Variants in CBL observed in about 807,000 individuals in gnomAD.
CBL encodes the protein E3 ubiquitin-protein ligase CBL.
Under a neutral mutation model 96.9 loss-of-function variants are expected in CBL, and 45 were observed. The ratio of observed to expected loss-of-function variants is 0.46; its 90% confidence interval spans 0.37 to 0.60. The LOEUF (loss-of-function observed/expected upper bound fraction) is 0.60, where lower values mean the gene tolerates loss of function less well. Among genes scored for constraint, CBL ranks in the 20% least tolerant of loss-of-function variants. The pLI, the probability that CBL is intolerant of heterozygous loss-of-function variation, is 0.00. For synonymous variants in CBL, 420 were observed against 426.8 expected (o/e 0.98, Z 0.20); for missense variants, 1,024 against 1,143.5 (o/e 0.90, Z 1.51).
At chr11:119,212,646 A>G (rs1274075756) in intron 1 of CBL, among the ~76,000 whole-genome samples, 1 of 152,102 alleles carries the variant, frequency 6.6e-6, no homozygotes, top group Non-Finnish European at 1.5e-5. Flanking sequence ...AAATGAATGA[A>G]TGAATAAATA....
At chr11:119,272,294 T>TG (rs1949855354) in intron 3 of CBL, among the ~76,000 whole-genome samples, 2 of 152,182 alleles carry the variant, frequency 1.3e-5, no homozygotes, top group Admixed American at 1.3e-4. Context: ...GCTAATTTTT[T>TG]GCATTTTTAA....
intron 12 of CBL, among the ~76,000 whole-genome samples, chr11:119,295,689 T>C (rs549840824): frequency 1.3e-5 from 2 of 152,288 alleles, no homozygotes; most frequent in African/African-American, 4.8e-5. Context: ...ATCATGCCAC[T>C]GTGCTCCAGC....
At chr11:119,226,271 CTG>C (rs1166388445) in intron 1 of CBL, among the ~76,000 whole-genome samples, 1 of 152,158 alleles carries the variant, frequency 6.6e-6, no homozygotes, top group Non-Finnish European at 1.5e-5. Flanking sequence ...GTCCACTATT[CTG>C]TCTTTAGTAG....
At chr11:119,229,589 A>G (rs1949485694) in intron 1 of CBL, among the ~76,000 whole-genome samples, 1 of 152,210 alleles carries the variant, frequency 6.6e-6, no homozygotes, top group Admixed American at 6.5e-5. Context: ...CCTGAGAGAC[A>G]GAGGGAGTCT....
intron 1 of CBL, among the ~76,000 whole-genome samples, chr11:119,214,893 A>ATTTTTTTTTTT (rs774184469): frequency 8.5e-6 from 1 of 117,964 alleles, no homozygotes; most frequent in Non-Finnish European, 1.7e-5. Context: ...CTGGTAGGGA[A>ATTTTTTTTTTT]TTTTTTTTTT....
chr11:119,279,218 G>A (rs1949914276), intron 9 of CBL, among the ~76,000 whole-genome samples: 1 of 151,858 alleles, frequency 6.6e-6, no homozygotes, highest in Non-Finnish European at 1.5e-5. Context: ...AGAAGGTTGG[G>A]GCTGGGCATG....
At chr11:119,290,238 G>T (rs563097210) in intron 12 of CBL, among the ~76,000 whole-genome samples, 2 of 152,148 alleles carry the variant, frequency 1.3e-5, no homozygotes, top group Admixed American at 1.3e-4. Flanking sequence ...TGGAGATGGG[G>T]TTTTGCCATG....
intron 2 of CBL, among the ~76,000 whole-genome samples, chr11:119,242,397 G>A (rs922640287): frequency 2.0e-5 from 3 of 151,902 alleles, no homozygotes; most frequent in Non-Finnish European, 2.9e-5. Context: ...AATCAGCTGG[G>A]CATGGTGGCG....
intron 2 of CBL, among the ~76,000 whole-genome samples, chr11:119,265,526 A>T (rs997469692): frequency 6.6e-6 from 1 of 152,186 alleles, no homozygotes; most frequent in African/African-American, 2.4e-5. Context: ...ATTTCTGCTA[A>T]GGTGTGAGGA....
At chr11:119,229,609 AAAC>A (rs916342630) in intron 1 of CBL, among the ~76,000 whole-genome samples, 18 of 152,264 alleles carry the variant, frequency 1.2e-4, no homozygotes, top group South Asian at 4.1e-4. Context: ...TTTTTCTCAA[AAAC>A]AACAACAACA....
chr11:119,241,756 C>T (rs915927160), intron 2 of CBL, among the ~76,000 whole-genome samples: 1 of 152,084 alleles, frequency 6.6e-6, no homozygotes. Flanking sequence ...AATGTCCTTG[C>T]ATTTAGGAAA....
In CBL at chr11:119,242,041, G is replaced by A. The variant is rs371920781; in HGVS notation, c.443+9346G>A. On this transcript the variant is annotated intron_variant, in intron 2 of 15. Transcript: ENST00000264033. ...AGTATTGGCTGCTGTCTGGAAAATA[G>A]GTAAGGTCTTGTGGCAATGATGGAA... Among the ~76,000 whole-genome samples the A allele has an allele frequency of 2.0e-5, 3 of 152,152 alleles. No homozygotes were observed. In the South Asian group the frequency reaches 6.2e-4, roughly 32 times the overall value.
In CBL at chr11:119,290,309, G is replaced by A. The variant is rs1162748126; in HGVS notation, c.2036+2363G>A. Among the ~76,000 whole-genome samples, 3 of 151,976 alleles carry A rather than the reference G, an allele frequency of 2.0e-5. No homozygotes were observed. The East Asian group carries it at 5.9e-4, about 30-fold the overall frequency. The stretch of plus-strand genomic sequence containing the variant: ...GGTTTGCCCGCCTTGGCCTCCCAGA[G>A]TGCAGGGATTATAGGCGAAAGCCAC... On this transcript the variant is annotated intron_variant, in intron 12 of 15. Coordinates refer to ENST00000264033, the MANE Select transcript of CBL (RefSeq NM_005188.4).
chr11:119,257,178 C>T (rs933635588), intron 2 of CBL, among the ~76,000 whole-genome samples: 1 of 152,234 alleles, frequency 6.6e-6, no homozygotes, highest in African/African-American at 2.4e-5. Flanking sequence ...TGCTAATTTA[C>T]TTCACCACCA....
chr11:119,223,751 C>T (rs1279076296), intron 1 of CBL, among the ~76,000 whole-genome samples: 2 of 152,004 alleles, frequency 1.3e-5, no homozygotes, highest in Non-Finnish European at 1.5e-5. Flanking sequence ...CTCAGCCTCC[C>T]GAGTAGCTGG....
intron 12 of CBL, among the ~76,000 whole-genome samples, chr11:119,293,832 C>T (rs1342129830): frequency 1.3e-5 from 2 of 152,278 alleles, no homozygotes; most frequent in East Asian, 3.9e-4. Context: ...CTTCCTGCTG[C>T]CTTGTAACCA....
At chr11:119,271,466 A>G (rs780721722) in intron 2 of CBL, among the ~76,000 whole-genome samples, 4 of 152,220 alleles carry the variant, frequency 2.6e-5, no homozygotes, top group African/African-American at 2.4e-5. Context: ...TGTATCTTTC[A>G]TATGATCTTA....
intron 1 of CBL, among the ~76,000 whole-genome samples, chr11:119,231,564 C>G: frequency 6.6e-6 from 1 of 151,502 alleles, no homozygotes; most frequent in South Asian, 2.1e-4. Flanking sequence ...CAAAATTAGC[C>G]GGGCATGGTG....
intron 12 of CBL, among the ~76,000 whole-genome samples, chr11:119,296,169 C>T (rs868557869): frequency 6.6e-6 from 1 of 152,142 alleles, no homozygotes; most frequent in Non-Finnish European, 1.5e-5. Context: ...AAGAGATGCT[C>T]CTTGTAGCAT....
Sources: allele counts gnomAD v4.1 joint callset (sites outside exome capture counted in the v4.1 genomes callset), GRCh38; gene constraint gnomAD v4.1.1; transcripts MANE v1.5; gene names NCBI Gene and HGNC (gene_info 2026-07-23, HGNC 2026-07-21).